The following CTTNBP2 variants were observed in gnomAD, a reference collection of about 807,000 sequenced individuals.
The protein encoded by CTTNBP2 is cortactin binding protein 2.
Under a neutral mutation model 156.9 loss-of-function variants are expected in CTTNBP2, and 108 were observed. That is an observed-to-expected ratio of 0.69 (90% CI 0.59 to 0.81). CTTNBP2 has a LOEUF of 0.81. Among genes scored for constraint, CTTNBP2 ranks in the 30% least tolerant of loss-of-function variants. The probability of loss-of-function intolerance (pLI) is 0.00; values close to 1 mark genes in which losing one functional copy is unlikely to be tolerated. For missense variants in CTTNBP2, 1,924 were observed against 2,035.4 expected (o/e 0.95, Z 1.05); for synonymous variants, 767 against 751.8 (o/e 1.02, Z -0.33).
At chr7:117,843,946 A>G (rs1041257536) in intron 2 of CTTNBP2, among the ~76,000 whole-genome samples, 8 of 152,200 alleles carry the variant, frequency 5.3e-5, no homozygotes, top group Non-Finnish European at 1.0e-4. Flanking sequence ...AGATGGGAAG[A>G]CTATCCCATA....
intron 22 of CTTNBP2, among the ~76,000 whole-genome samples, chr7:117,717,011 A>AGATGAGAACGG (rs142731322): frequency 1.3e-5 from 2 of 152,306 alleles, no homozygotes; most frequent in Admixed American, 6.5e-5. Context: ...AAGGTGGCTT[A>AGATGAGAACGG]CAATCAATCA....
Position 117,782,938 on chromosome 7 carries a change from C to T in CTTNBP2, c.2296G>A (p.Ala766Thr), listed in dbSNP as rs768212161. 3.7e-6 allele frequency: 6 copies of T among 1,613,772 alleles called. No homozygotes were observed. In the South Asian group the frequency reaches 5.5e-5, roughly 15 times the overall value. ...TCAGCAGCATTGACTTGGGCTTCTG[C>T]ACTCAGCAGCAATCTCACACAGTCT... ...HTDCVRLLLSAEAQVNAADKN... is the reference protein window; with the variant it reads ...HTDCVRLLLSTEAQVNAADKN... The change falls in exon 6 of 23, where the codon GCA becomes ACA. Residue 766 changes from alanine to threonine, a missense_variant. Ala to Thr is a moderately conservative substitution (Grantham distance 58, BLOSUM62 0). Coordinates refer to ENST00000160373, the MANE Select transcript of CTTNBP2 (RefSeq NM_033427.3).
At position 117,861,263 on chromosome 7, in the gene CTTNBP2, G is replaced by A; in HGVS notation, c.135C>T (p.Leu45=). The A allele has an allele frequency of 6.2e-7, 1 of 1,613,870 alleles. No individual in the cohort carries two copies. Among genetic ancestry groups the A allele is most frequent in the South Asian group, 1.1e-5 (1 of 90,964 alleles). ...CCTCCAGCTCCCCTTCCATCACGCT[G>A]AGGAGCATCCGCAGCTCGGATTTAC... The part of the protein sequence containing the change: ...TLSKSELRML[L]SVMEGELEAR... The change falls in exon 2 of 23, where the codon CTC becomes CTT. Residue 45 remains leucine, a synonymous_variant. Coordinates refer to ENST00000160373, the MANE Select transcript of CTTNBP2 (RefSeq NM_033427.3).
intron 22 of CTTNBP2, among the ~76,000 whole-genome samples, chr7:117,717,744 GA>G (rs139772053): frequency 0.061 from 7,761 of 127,658 alleles, 259 homozygotes; most frequent in African/African-American, 0.098. Context: ...CATATAAAAT[GA>G]AAAAAAAAAA....
At chr7:117,806,443 C>CTCT (rs1348643391) in intron 3 of CTTNBP2, among the ~76,000 whole-genome samples, 1 of 152,216 alleles carries the variant, frequency 6.6e-6, no homozygotes, top group African/African-American at 2.4e-5. Context: ...TTTAACCATA[C>CTCT]TCTTGATTGC....
chr7:117,858,571 G>A (rs1803492830), intron 2 of CTTNBP2, among the ~76,000 whole-genome samples: 1 of 152,112 alleles, frequency 6.6e-6, no homozygotes, highest in African/African-American at 2.4e-5. Flanking sequence ...TTCTCCACAG[G>A]AGCAGTACCC....
intron 14 of CTTNBP2, among the ~76,000 whole-genome samples, chr7:117,743,699 T>C (rs1225074960): frequency 7.4e-6 from 1 of 134,996 alleles, no homozygotes; most frequent in Admixed American, 8.1e-5. Flanking sequence ...GAGGCAGAGG[T>C]TGCAGTGAGC....
intron 2 of CTTNBP2, among the ~76,000 whole-genome samples, chr7:117,858,400 CAAAG>C (rs1803480234): frequency 6.6e-6 from 1 of 152,092 alleles, no homozygotes; most frequent in Non-Finnish European, 1.5e-5. Flanking sequence ...CAAAACAAAA[CAAAG>C]AGCCTCCATA....
Position 117,814,049 on chromosome 7 carries a change from A to G in CTTNBP2, c.190-3060T>C, listed in dbSNP as rs187389249. On this transcript the variant is annotated intron_variant, in intron 2 of 22. Transcript: ENST00000160373. ...CCTGGTGTCTACTCACCCACACAAC[A>G]TATTTTATGATGTACAGTACTTGTA... is the stretch of plus-strand genomic sequence containing the variant. Among the ~76,000 whole-genome samples, 5 of 152,292 alleles carry G rather than the reference A, an allele frequency of 3.3e-5. No individual in the cohort carries two copies. The East Asian group carries it at 9.7e-4, about 29-fold the overall frequency.
chr7:117,843,660 T>C (rs542745824), intron 2 of CTTNBP2, among the ~76,000 whole-genome samples: 1 of 152,152 alleles, frequency 6.6e-6, no homozygotes, highest in Non-Finnish European at 1.5e-5. Flanking sequence ...CTGAGCAAGA[T>C]GGTGGCCACT....
intron 2 of CTTNBP2, among the ~76,000 whole-genome samples, chr7:117,859,022 C>T (rs1435329724): frequency 6.6e-6 from 1 of 152,130 alleles, no homozygotes; most frequent in East Asian, 1.9e-4. Flanking sequence ...TCTTTCAGTA[C>T]AGTCATGTCT....
At chr7:117,859,524 C>T (rs146642081) in intron 2 of CTTNBP2, among the ~76,000 whole-genome samples, 43 of 152,286 alleles carry the variant, frequency 2.8e-4, no homozygotes, top group African/African-American at 1.0e-3. Context: ...ATCTAAGGCA[C>T]AGCTGGAGCC....
At chr7:117,818,892 C>T (rs1800781420) in intron 2 of CTTNBP2, among the ~76,000 whole-genome samples, 2 of 152,126 alleles carry the variant, frequency 1.3e-5, no homozygotes, top group South Asian at 4.2e-4. Context: ...AGCTTTTCCA[C>T]AGATACAACG....
intron 2 of CTTNBP2, among the ~76,000 whole-genome samples, chr7:117,844,471 T>A (rs1802465977): frequency 6.6e-6 from 1 of 152,154 alleles, no homozygotes; most frequent in Non-Finnish European, 1.5e-5. Flanking sequence ...AAGTCCAACA[T>A]TATTTTTTTC....
chr7:117,772,678 C>T (rs1797860025), intron 8 of CTTNBP2, among the ~76,000 whole-genome samples: 1 of 152,102 alleles, frequency 6.6e-6, no homozygotes, highest in African/African-American at 2.4e-5. Flanking sequence ...AAGCACCTGC[C>T]TAGACAGACT....
intron 9 of CTTNBP2, among the ~76,000 whole-genome samples, chr7:117,762,488 T>C (rs907715051): frequency 1.3e-5 from 2 of 152,214 alleles, no homozygotes; most frequent in African/African-American, 4.8e-5. Context: ...ATGAGGAAGT[T>C]CTGTTGACTC....
intron 9 of CTTNBP2, among the ~76,000 whole-genome samples, chr7:117,765,300 T>C (rs1309087895): frequency 6.6e-6 from 1 of 152,196 alleles, no homozygotes; most frequent in Non-Finnish European, 1.5e-5. Flanking sequence ...GAAGTAATCA[T>C]AATCTAAATG....
intron 7 of CTTNBP2, among the ~76,000 whole-genome samples, chr7:117,778,451 G>A (rs578232135): frequency 4.4e-4 from 67 of 152,254 alleles, no homozygotes; most frequent in African/African-American, 1.5e-3. Context: ...CCACTTAGCT[G>A]GTTGCTAGAG....
chr7:117,852,314 A>G (rs1253468015), intron 2 of CTTNBP2, among the ~76,000 whole-genome samples: 2 of 151,674 alleles, frequency 1.3e-5, no homozygotes, highest in African/African-American at 4.8e-5. Flanking sequence ...AAAAAAAAAG[A>G]TCAAATATGA....
Sources: allele counts gnomAD v4.1 joint callset (sites outside exome capture counted in the v4.1 genomes callset), GRCh38; gene constraint gnomAD v4.1.1; transcripts MANE v1.5; gene names NCBI Gene and HGNC (gene_info 2026-07-23, HGNC 2026-07-21).